CSMD1: variants seen among roughly 807,000 people sequenced by gnomAD.
The protein encoded by CSMD1 is CUB and sushi domain-containing protein 1.
A neutral mutation model predicts 417.5 loss-of-function variants in CSMD1; 213 were observed. The observed-to-expected ratio is 0.51, with a 90% CI of 0.46 to 0.57. The LOEUF is 0.57. Ranked by LOEUF, CSMD1 falls within the 20% of genes least tolerant of loss-of-function variation. The pLI is 0.00. For missense variants in CSMD1, 6,923 were observed against 4,529.7 expected, an observed-to-expected ratio of 1.53 and a Z score of -15.17; for synonymous variants, 2,862 against 1,736.8, an observed-to-expected ratio of 1.65 and a Z score of -16.11.
At chr8:3,821,467 T>G (rs1293215538) in intron 5 of CSMD1, among the ~76,000 whole-genome samples, 2 of 151,560 alleles carry the variant, frequency 1.3e-5, no homozygotes, top group African/African-American at 4.8e-5. Flanking sequence ...CCACTAAGTG[T>G]AGGACATTTT....
chr8:3,285,447 C>G (rs929933659), intron 25 of CSMD1, among the ~76,000 whole-genome samples: 3 of 150,638 alleles, frequency 2.0e-5, no homozygotes, highest in African/African-American at 4.9e-5. Flanking sequence ...AGTGCAGTGT[C>G]ATGATCTTGG....
At chr8:4,730,283 G>A (rs1446164031) in intron 1 of CSMD1, among the ~76,000 whole-genome samples, 3 of 152,156 alleles carry the variant, frequency 2.0e-5, no homozygotes. Flanking sequence ...CAGAACAACT[G>A]TGAAGACAGT....
At chr8:3,908,035 G>C (rs974265448) in intron 5 of CSMD1, among the ~76,000 whole-genome samples, 9 of 152,058 alleles carry the variant, frequency 5.9e-5, no homozygotes, top group Non-Finnish European at 1.3e-4. Context: ...GGACTCCATA[G>C]GTATTTGACC....
At chr8:4,443,247 A>C (rs1438052377) in intron 2 of CSMD1, among the ~76,000 whole-genome samples, 2 of 152,186 alleles carry the variant, frequency 1.3e-5, no homozygotes, top group African/African-American at 4.8e-5. Context: ...AAGATGGATA[A>C]TGTCAAATCA....
intron 1 of CSMD1, among the ~76,000 whole-genome samples, chr8:4,921,003 GAAAGAAAGA>G (rs763796823): frequency 0.59 from 26,050 of 44,438 alleles, 7,340 homozygotes; most frequent in Non-Finnish European, 0.63. Context: ...AGAAAAGAAA[GAAAGAAAGA>G]AAAGAAAGAA....
chr8:4,752,261 T>A (rs947056731), intron 1 of CSMD1, among the ~76,000 whole-genome samples: 12 of 152,328 alleles, frequency 7.9e-5, no homozygotes, highest in Admixed American at 7.2e-4. Context: ...GTACTTGTCT[T>A]GACAATACAA....
chr8:3,945,486 G>C (rs567558298), intron 5 of CSMD1, among the ~76,000 whole-genome samples: 1 of 152,154 alleles, frequency 6.6e-6, no homozygotes, highest in Admixed American at 6.5e-5. Context: ...CTCTTCAACT[G>C]TGAACTTCCC....
rs892215106 is a variant in CSMD1 at position 2,937,502 on chromosome 8, A to C, written c.*1083T>G. 3.3e-5 allele frequency: 5 copies of C among 152,056 alleles called. No individual in the cohort carries two copies. The highest frequency in any genetic ancestry group is 7.4e-5 in the Non-Finnish European group (5 of 67,996). 9.4% of individuals were successfully genotyped at this position (152,056 alleles called of 1,614,324 possible). ...AAGGCTGCATTGTGAGCTAAAACCC[A>C]CAAGTTCATCGACTATCTAAAATAA... On this transcript the variant is annotated 3_prime_UTR_variant, in exon 70 of 70. Coordinates refer to ENST00000635120, the MANE Select transcript of CSMD1 (RefSeq NM_033225.6).
intron 3 of CSMD1, among the ~76,000 whole-genome samples, chr8:4,412,258 G>C (rs991921196): frequency 6.6e-6 from 1 of 152,034 alleles, no homozygotes; most frequent in Non-Finnish European, 1.5e-5. Context: ...GATCATGGTG[G>C]GGCAGATTTC....
At chr8:3,436,292 C>A (rs1389658494) in intron 12 of CSMD1, among the ~76,000 whole-genome samples, 1 of 152,156 alleles carries the variant, frequency 6.6e-6, no homozygotes, top group African/African-American at 2.4e-5. Flanking sequence ...CATCCCATAT[C>A]AGAGGTACAA....
chr8:4,754,544 G>GTT (rs34906339), intron 1 of CSMD1, among the ~76,000 whole-genome samples: 3,046 of 145,434 alleles, frequency 0.021, 111 homozygotes, highest in African/African-American at 0.07. Context: ...TGCACACTTT[G>GTT]TTTTTTTTTT....
intron 5 of CSMD1, among the ~76,000 whole-genome samples, chr8:3,811,634 G>C (rs989130965): frequency 4.3e-4 from 66 of 152,266 alleles, no homozygotes; most frequent in African/African-American, 1.4e-3. Flanking sequence ...CCAGGCTCAA[G>C]TCAGGCCATT....
At chr8:4,295,237 CACA>C (rs2128869763) in intron 3 of CSMD1, among the ~76,000 whole-genome samples, 1 of 112,282 alleles carries the variant, frequency 8.9e-6, no homozygotes, top group Admixed American at 9.5e-5. Context: ...AGATTATATG[CACA>C]TATAATCTTA....
At chr8:4,862,323 A>T (rs1318774030) in intron 1 of CSMD1, among the ~76,000 whole-genome samples, 1 of 152,090 alleles carries the variant, frequency 6.6e-6, no homozygotes, top group Non-Finnish European at 1.5e-5. Flanking sequence ...TATGAATGAG[A>T]TGGAAAATTA....
At chr8:3,142,793 A>T (rs1818584712) in intron 40 of CSMD1, 119 bp from the exon 41 acceptor site, 1 of 889,426 alleles carries the variant, frequency 1.1e-6, no homozygotes. Context: ...GTGAGACAGA[A>T]CCATGCCGTG....
chr8:3,369,131 T>G (rs1257222886), intron 19 of CSMD1, 123 bp downstream of exon 19: 3 of 554,250 alleles, frequency 5.4e-6, no homozygotes, highest in Non-Finnish European at 9.7e-6. Flanking sequence ...AGTTAAAATC[T>G]TGAACTATAC....
chr8:4,426,886 T>G (rs1262752927), intron 2 of CSMD1, among the ~76,000 whole-genome samples: 1 of 151,842 alleles, frequency 6.6e-6, no homozygotes, highest in Non-Finnish European at 1.5e-5. Flanking sequence ...GGGGTATTAG[T>G]ATCAGATGTC....
chr8:4,374,873 G>A (rs937662668), intron 3 of CSMD1, among the ~76,000 whole-genome samples: 2 of 145,614 alleles, frequency 1.4e-5, no homozygotes, highest in Admixed American at 7.4e-5. Context: ...ATTAAACACA[G>A]GACATGAAGC....
intron 31 of CSMD1, 31 bp downstream of exon 31, chr8:3,205,473 C>T (rs1315325375): frequency 9.4e-7 from 1 of 1,065,340 alleles, no homozygotes; most frequent in East Asian, 2.5e-5. Context: ...GGAAATATGA[C>T]AATGAATTAA....
Sources: gnomAD v4.1 joint callset for allele counts (sites outside exome capture counted in the v4.1 genomes callset) on GRCh38, gnomAD v4.1.1 for gene constraint, MANE v1.5 for transcripts, NCBI Gene and HGNC (gene_info 2026-07-23, HGNC 2026-07-21) for gene names.